Variants in KIF13B observed in about 807,000 individuals in gnomAD.
The protein encoded by KIF13B is kinesin family member 13B.
A neutral mutation model predicts 222.0 loss-of-function variants in KIF13B; 127 were observed. The observed-to-expected ratio is 0.57, with a 90% CI of 0.50 to 0.66. The LOEUF (loss-of-function observed/expected upper bound fraction) is 0.66. Ranked by LOEUF, KIF13B falls within the 30% of genes least tolerant of loss-of-function variation. KIF13B has a pLI of 0.00. For synonymous variants in KIF13B, 976 were observed against 919.0 expected, an observed-to-expected ratio of 1.06 and a Z score of -1.12; for missense variants, 2,173 against 2,379.0, an observed-to-expected ratio of 0.91 and a Z score of 1.80.
chr8:29,145,267 A>G (rs537053838), intron 18 of KIF13B, among the ~76,000 whole-genome samples: 6 of 152,346 alleles, frequency 3.9e-5, no homozygotes, highest in Admixed American at 3.3e-4. Flanking sequence ...AATACTAAGA[A>G]TCATATTTGC....
intron 18 of KIF13B, among the ~76,000 whole-genome samples, chr8:29,143,432 T>C (rs181901304): frequency 6.8e-4 from 103 of 152,374 alleles, no homozygotes; most frequent in African/African-American, 2.4e-3. Context: ...AAGCAATTAA[T>C]GATACCAGTT....
chr8:29,240,511 A>T (rs963808190), intron 2 of KIF13B, among the ~76,000 whole-genome samples: 13 of 152,190 alleles, frequency 8.5e-5, no homozygotes, highest in Admixed American at 6.5e-4. Flanking sequence ...GGATTTGTTA[A>T]ACTGATAGGT....
intron 35 of KIF13B, among the ~76,000 whole-genome samples, chr8:29,105,280 T>C (rs1809002547): frequency 6.6e-6 from 1 of 152,180 alleles, no homozygotes; most frequent in Non-Finnish European, 1.5e-5. Flanking sequence ...CTGTACACTC[T>C]GAGCTTGACT....
intron 2 of KIF13B, among the ~76,000 whole-genome samples, chr8:29,229,672 A>G (rs1815197838): frequency 6.6e-6 from 1 of 152,192 alleles, no homozygotes. Context: ...TCCTTTTCTT[A>G]TGATAATGAT....
At chr8:29,234,531 G>A (rs1025720792) in intron 2 of KIF13B, among the ~76,000 whole-genome samples, 2 of 148,644 alleles carry the variant, frequency 1.3e-5, no homozygotes, top group African/African-American at 2.5e-5. Flanking sequence ...GATCTCGTAT[G>A]TAATGAGCAC....
At chr8:29,233,029 G>T (rs1815355630) in intron 2 of KIF13B, among the ~76,000 whole-genome samples, 1 of 152,150 alleles carries the variant, frequency 6.6e-6, no homozygotes, top group African/African-American at 2.4e-5. Context: ...GGTGGCATGT[G>T]CCTTTGATCC....
intron 31 of KIF13B, among the ~76,000 whole-genome samples, chr8:29,115,182 TC>T (rs1563713577): frequency 2.0e-5 from 3 of 152,170 alleles, no homozygotes; most frequent in African/African-American, 7.2e-5. Context: ...ATGACTGTGC[TC>T]TTTTAAATGA....
chr8:29,113,647 T>C lies in KIF13B; in HGVS notation c.3838-92A>G, dbSNP rs910716525. 24 of 761,384 alleles carry C rather than the reference T, an allele frequency of 3.2e-5. 1 individual carries two copies. The highest frequency in any genetic ancestry group is 6.5e-5 in the South Asian group (4 of 61,968). 47.2% of individuals were successfully genotyped at this position (761,384 alleles called of 1,614,324 possible). A position where few individuals can be genotyped will look rare whatever the true frequency, so the allele number is the denominator to read the frequency against. ...CAGCATGGAAAATACTGGTTCATTC[T>C]AACCAAAAGAAAACAGAGCAGGTTT... is the stretch of plus-strand genomic sequence containing the variant. On this transcript the variant is annotated intron_variant, in intron 31 of 39. Coordinates refer to ENST00000524189, the MANE Select transcript of KIF13B (RefSeq NM_015254.4).
chr8:29,107,806 C>A (rs925187993), intron 35 of KIF13B, among the ~76,000 whole-genome samples: 1 of 152,074 alleles, frequency 6.6e-6, no homozygotes, highest in East Asian at 1.9e-4. Flanking sequence ...GTGATCCGCC[C>A]TCCTTGGCCT....
At chr8:29,216,295 C>T (rs1295299222) in intron 2 of KIF13B, among the ~76,000 whole-genome samples, 1 of 152,140 alleles carries the variant, frequency 6.6e-6, no homozygotes, top group Non-Finnish European at 1.5e-5. Context: ...CTAGGTCTCT[C>T]ATTCTAAAGC....
At chr8:29,133,545 C>T (rs1244931097) in intron 22 of KIF13B, among the ~76,000 whole-genome samples, 2 of 152,132 alleles carry the variant, frequency 1.3e-5, no homozygotes, top group East Asian at 1.9e-4. Context: ...GAGCCAAGAT[C>T]GTGCCACTGC....
At chr8:29,105,831 GTAT>G (rs1809040936) in intron 35 of KIF13B, among the ~76,000 whole-genome samples, 1 of 151,548 alleles carries the variant, frequency 6.6e-6, no homozygotes, top group African/African-American at 2.4e-5. Context: ...GCTAATTTTT[GTAT>G]TTTTAGTAGA....
At chr8:29,257,630 G>C (rs117470743) in intron 1 of KIF13B, among the ~76,000 whole-genome samples, 2,862 of 152,226 alleles carry the variant, frequency 0.019, 56 homozygotes, top group Non-Finnish European at 0.023. Context: ...AACAAAGTGA[G>C]ACCCTATCTC....
Position 29,134,199 on chromosome 8 carries a change from C to A in KIF13B, c.2625G>T (p.Leu875=), listed in dbSNP as rs769218328. Residue 875 remains leucine (L), a synonymous_variant, in exon 22 of 40, where the codon CTG becomes CTT. Transcript: ENST00000524189. The part of the protein sequence containing the change: ...ENKLVCMVKI[L]QATGLPQHLS... ...GATGCTGTGGCAACCCAGTAGCTTG[C>A]AGGATTTTAACCTGAAGGAAAAAGA... 34 of 1,613,696 alleles carry A rather than the reference C, an allele frequency of 2.1e-5. No individual in the cohort carries two copies. Among genetic ancestry groups the A allele is most frequent in the Non-Finnish European group, 2.5e-5 (30 of 1,179,818 alleles).
At chr8:29,141,121 G>A (rs762077695) in intron 19 of KIF13B, among the ~76,000 whole-genome samples, 1 of 151,998 alleles carries the variant, frequency 6.6e-6, no homozygotes, top group Non-Finnish European at 1.5e-5. Flanking sequence ...GTCACCTGAG[G>A]TCAAGAGTTT....
At chr8:29,088,042 C>T (rs992687094) in intron 37 of KIF13B, among the ~76,000 whole-genome samples, 2 of 151,936 alleles carry the variant, frequency 1.3e-5, no homozygotes, top group African/African-American at 2.4e-5. Flanking sequence ...CTGACGCAGG[C>T]GGATCACGAC....
At position 29,132,401 on chromosome 8, in the gene KIF13B, T is replaced by C; in HGVS notation, c.2849A>G (p.Glu950Gly). 1 of 1,594,718 alleles carries C rather than the reference T, an allele frequency of 6.3e-7. No homozygotes were observed. Among genetic ancestry groups the C allele is most frequent in the South Asian group, 1.1e-5 (1 of 87,906 alleles). ...ATCGTTTATTTTATGTCCATATACT[T>C]CAATTGCCAATGCTCCTTCGGAAAG... is the stretch of plus-strand genomic sequence containing the variant. The part of the protein sequence containing the change: ...EHLSEGALAI[E>G]VYGHKINDPR... The change falls in exon 23 of 40, where the codon GAA becomes GGA. Residue 950 changes from glutamate (E) to glycine (G), a missense_variant. Glu to Gly is a moderately conservative substitution (Grantham distance 98, BLOSUM62 -2). Around this residue, in one of 2 missense-constraint regions of KIF13B, gnomAD observed 1,480 missense variants for 1,722.8 expected, o/e 0.86. Transcript: ENST00000524189.
At position 29,094,134 on chromosome 8, in the gene KIF13B, A is replaced by G. The variant is rs6991697; in HGVS notation, c.4325-1256T>C. On this transcript the variant is annotated intron_variant, in intron 36 of 39. Transcript: ENST00000524189. ...GACCATCAGACATTATGTGTCTCCA[A>G]CCTCCCGACCACACATCCACACCCA... 2.2e-3 allele frequency among the ~76,000 whole-genome samples: 341 copies of G among 152,252 alleles called. 4 individuals carry two copies. The highest frequency in any genetic ancestry group is 8.0e-3 in the African/African-American group (332 of 41,550).
At chr8:29,200,829 T>C (rs1030409259) in intron 2 of KIF13B, among the ~76,000 whole-genome samples, 1 of 152,218 alleles carries the variant, frequency 6.6e-6, no homozygotes, top group African/African-American at 2.4e-5. Flanking sequence ...GTTTGCCTAA[T>C]GCTTCCTCCT....
Sources: allele counts gnomAD v4.1 joint callset (sites outside exome capture counted in the v4.1 genomes callset), GRCh38; gene constraint gnomAD v4.1.1; regional missense constraint gnomAD v4.1.1; transcripts MANE v1.5; gene names NCBI Gene and HGNC (gene_info 2026-07-23, HGNC 2026-07-21).